NRG3: variants seen among roughly 807,000 people sequenced by gnomAD.
NRG3 encodes neuregulin 3.
Under a neutral mutation model 66.9 loss-of-function variants are expected in NRG3, and 31 were observed. The ratio of observed to expected loss-of-function variants is 0.46; its 90% confidence interval spans 0.35 to 0.63. NRG3 has a LOEUF of 0.63. Ranked by LOEUF, NRG3 falls within the 20% of genes least tolerant of loss-of-function variation. The pLI is 0.00. For synonymous variants in NRG3, 393 were observed against 359.4 expected (o/e 1.09, Z -1.06); for missense variants, 910 against 878.9 (o/e 1.04, Z -0.45).
intron 2 of NRG3, among the ~76,000 whole-genome samples, chr10:82,497,933 C>T (rs985583608): frequency 6.6e-6 from 1 of 152,122 alleles, no homozygotes; most frequent in Non-Finnish European, 1.5e-5. Context: ...GATAGCCATC[C>T]TAACAGTTTT....
Position 82,360,417 on chromosome 10 carries a change from C to T in NRG3, c.953+1549C>T, listed in dbSNP as rs762732527. Among the ~76,000 whole-genome samples the T allele has an allele frequency of 7.9e-5, 12 of 152,088 alleles. No homozygotes were observed. The South Asian group carries it at 8.3e-4, about 11-fold the overall frequency. ...CAATGCAATCAATTATGTTTGAATT[C>T]GTAATCAATTGAAGAAGGGATGAAT... On this transcript the variant is annotated intron_variant, in intron 2 of 8. Coordinates refer to ENST00000372141, the MANE Select transcript of NRG3 (RefSeq NM_001010848.4).
At position 82,986,302 on chromosome 10, in the gene NRG3, TAGAA is replaced by T. The variant is rs1853430144; in HGVS notation, c.*699_*702del. 2 of 152,240 alleles carry T rather than the reference TAGAA, an allele frequency of 1.3e-5. No homozygotes were observed. The highest frequency in any genetic ancestry group is 4.8e-5 in the African/African-American group (2 of 41,466). The allele number at this position is 152,240 out of a possible 1,614,324, so 9.4% of individuals were successfully genotyped here. ...TATCGTGTCACTAAAATCATGCTAATAGAAATGTTTTTCCTTGAGATTGTTTAGA... is the reference window on the plus strand; with the variant it reads ...TATCGTGTCACTAAAATCATGCTAATATGTTTTTCCTTGAGATTGTTTAGA... On this transcript the variant is annotated 3_prime_UTR_variant, in exon 9 of 9. Coordinates refer to ENST00000372141, the MANE Select transcript of NRG3 (RefSeq NM_001010848.4).
At chr10:82,199,795 C>G (rs2074675377) in intron 1 of NRG3, among the ~76,000 whole-genome samples, 1 of 151,888 alleles carries the variant, frequency 6.6e-6, no homozygotes, top group South Asian at 2.1e-4. Context: ...CTGTATCAAT[C>G]TAATTTCCAG....
In NRG3 at chr10:82,632,268, C is replaced by T. The variant is rs189868776; in HGVS notation, c.954-106309C>T. On this transcript the variant is annotated intron_variant, in intron 2 of 8. Transcript: ENST00000372141. ...ATCCATAAATGGCCTTTGGGCATAT[C>T]GTATACTCTGGGCTACTATTTCATA... 1.3e-3 allele frequency among the ~76,000 whole-genome samples: 201 copies of T among 152,188 alleles called. 4 individuals carry two copies. The highest frequency in any genetic ancestry group is 3.1e-3 in the South Asian group (15 of 4,818).
intron 2 of NRG3, among the ~76,000 whole-genome samples, chr10:82,446,416 A>G (rs555215180): frequency 4.3e-4 from 66 of 152,368 alleles, no homozygotes; most frequent in African/African-American, 1.4e-3. Context: ...CTGGATAAAG[A>G]AAATGTGGTA....
intron 1 of NRG3, among the ~76,000 whole-genome samples, chr10:81,985,682 G>A (rs192848981): frequency 6.6e-6 from 1 of 152,288 alleles, no homozygotes; most frequent in Non-Finnish European, 1.5e-5. Context: ...TGTGAGTAAC[G>A]CAGATACTTT....
At chr10:82,624,251 T>A (rs961741891) in intron 2 of NRG3, among the ~76,000 whole-genome samples, 3 of 152,176 alleles carry the variant, frequency 2.0e-5, no homozygotes, top group Admixed American at 6.6e-5. Flanking sequence ...TACATTTTAT[T>A]AAAAACAACA....
At chr10:82,363,542 G>A (rs998436304) in intron 2 of NRG3, among the ~76,000 whole-genome samples, 12 of 152,214 alleles carry the variant, frequency 7.9e-5, no homozygotes, top group South Asian at 2.1e-4. Flanking sequence ...TGCAAACTCC[G>A]CTTCCCAGGT....
At chr10:82,497,576 AGT>A (rs1843734065) in intron 2 of NRG3, among the ~76,000 whole-genome samples, 1 of 151,848 alleles carries the variant, frequency 6.6e-6, no homozygotes, top group Non-Finnish European at 1.5e-5. Context: ...ATAGTACTTT[AGT>A]GTGTGTGTAT....
chr10:81,962,846 A>G (rs1054402221), intron 1 of NRG3, among the ~76,000 whole-genome samples: 2 of 152,084 alleles, frequency 1.3e-5, no homozygotes, highest in African/African-American at 2.4e-5. Context: ...TTGTTTTAGG[A>G]TTTCCACAGT....
intron 3 of NRG3, among the ~76,000 whole-genome samples, chr10:82,833,561 T>A (rs964314949): frequency 2.6e-5 from 4 of 152,182 alleles, no homozygotes; most frequent in African/African-American, 7.2e-5. Flanking sequence ...ATGGAATCCA[T>A]GTTCCCTGCC....
At chr10:82,584,954 C>T (rs1409274764) in intron 2 of NRG3, among the ~76,000 whole-genome samples, 1 of 144,182 alleles carries the variant, frequency 6.9e-6, no homozygotes, top group Non-Finnish European at 1.5e-5. Flanking sequence ...TGGAGGATCT[C>T]TTCCCCAAGC....
chr10:82,460,400 G>A (rs1321557771), intron 2 of NRG3, among the ~76,000 whole-genome samples: 1 of 152,170 alleles, frequency 6.6e-6, no homozygotes, highest in African/African-American at 2.4e-5. Context: ...TGTCTACAAA[G>A]CATGTAGCAC....
chr10:81,955,448 G>T (rs1015452704), intron 1 of NRG3, among the ~76,000 whole-genome samples: 2 of 152,000 alleles, frequency 1.3e-5, no homozygotes, highest in Admixed American at 6.6e-5. Context: ...TTTTAGTTCT[G>T]CATTTCATAG....
intron 1 of NRG3, among the ~76,000 whole-genome samples, chr10:82,065,655 G>T (rs916790666): frequency 4.6e-5 from 7 of 152,100 alleles, no homozygotes; most frequent in Admixed American, 2.0e-4. Context: ...AAAGAAAAAT[G>T]TTTTTAATAA....
intron 3 of NRG3, among the ~76,000 whole-genome samples, chr10:82,809,675 G>A (rs1355243208): frequency 6.6e-6 from 1 of 152,044 alleles, no homozygotes; most frequent in African/African-American, 2.4e-5. Context: ...TACTTTCAGG[G>A]TTCATTTGTG....
At chr10:82,843,880 G>C (rs2063181904) in intron 3 of NRG3, among the ~76,000 whole-genome samples, 1 of 152,144 alleles carries the variant, frequency 6.6e-6, no homozygotes. Flanking sequence ...TTATCAAGAT[G>C]ATATCCAGCC....
In NRG3 at chr10:81,964,356, G is replaced by T. The variant is rs184410506; in HGVS notation, c.823+88193G>T. Among the ~76,000 whole-genome samples the T allele has an allele frequency of 2.2e-5, 3 of 134,990 alleles. No homozygotes were observed. In the East Asian group the frequency reaches 6.5e-4, roughly 29 times the overall value. The allele number at this position is 134,990 out of a possible 152,430, so 88.6% of individuals were successfully genotyped here. ...GAATGCAGTGAGCCAAGATTGCATCGCTGCACTCCAGCTTGGGCAACAGAG... is the reference window on the plus strand; with the variant it reads ...GAATGCAGTGAGCCAAGATTGCATCTCTGCACTCCAGCTTGGGCAACAGAG... On this transcript the variant is annotated intron_variant, in intron 1 of 8. Coordinates refer to ENST00000372141, the MANE Select transcript of NRG3 (RefSeq NM_001010848.4).
At chr10:82,859,794 C>T (rs1453115610) in intron 3 of NRG3, among the ~76,000 whole-genome samples, 3 of 152,172 alleles carry the variant, frequency 2.0e-5, no homozygotes, top group Non-Finnish European at 2.9e-5. Context: ...TGTTAATTAA[C>T]CTGATTTAGC....
Sources: gnomAD v4.1 joint callset for allele counts (sites outside exome capture counted in the v4.1 genomes callset) on GRCh38, gnomAD v4.1.1 for gene constraint, MANE v1.5 for transcripts, NCBI Gene and HGNC (gene_info 2026-07-23, HGNC 2026-07-21) for gene names.